Variants in CATSPERB observed in about 807,000 individuals in gnomAD.
CATSPERB encodes the protein cation channel sperm-associated auxiliary subunit beta.
CATSPERB carries 93 observed loss-of-function variants against 128.3 expected under a neutral mutation model. The observed-to-expected ratio is 0.72, with a 90% CI of 0.61 to 0.86. CATSPERB has a LOEUF of 0.86. Among genes scored for constraint, CATSPERB ranks in the 40% least tolerant of loss-of-function variants. The probability of loss-of-function intolerance (pLI) is 0.00; values close to 1 mark genes in which losing one functional copy is unlikely to be tolerated. For synonymous variants in CATSPERB, 381 were observed against 448.8 expected, an observed-to-expected ratio of 0.85 and a Z score of 1.91; for missense variants, 1,153 against 1,329.5, an observed-to-expected ratio of 0.87 and a Z score of 2.06.
rs529997120 is a variant in CATSPERB, at chr14:91,582,431, C to T, written c.3133-1324G>A. 3.6e-4 allele frequency among the ~76,000 whole-genome samples: 55 copies of T among 152,296 alleles called. No individual in the cohort carries two copies. In the South Asian group the frequency reaches 0.011, roughly 30 times the overall value. ...TTATGCTTTTGATTGTGACAGGAGGCAGTCAAATGCCTAGGCAGATAGGGG... is the reference window on the plus strand; with the variant it reads ...TTATGCTTTTGATTGTGACAGGAGGTAGTCAAATGCCTAGGCAGATAGGGG... On this transcript the variant is annotated intron_variant, in intron 26 of 26. Coordinates refer to ENST00000256343, the MANE Select transcript of CATSPERB (RefSeq NM_024764.4).
chr14:91,674,265 G>A, intron 11 of CATSPERB, 43 bp from the exon 12 acceptor site: 2 of 1,256,048 alleles, frequency 1.6e-6, no homozygotes, highest in Non-Finnish European at 1.1e-6. Context: ...GAGCATATCT[G>A]TATTTCTAAA....
intron 11 of CATSPERB, among the ~76,000 whole-genome samples, chr14:91,676,270 C>G (rs1446408036): frequency 6.6e-6 from 1 of 151,996 alleles, no homozygotes; most frequent in Non-Finnish European, 1.5e-5. Flanking sequence ...GAGGATTCAC[C>G]CAACTCCTGG....
intron 15 of CATSPERB, among the ~76,000 whole-genome samples, chr14:91,640,011 T>G (rs1480946904): frequency 6.6e-6 from 1 of 152,096 alleles, no homozygotes; most frequent in Non-Finnish European, 1.5e-5. Flanking sequence ...GATGGATAAT[T>G]CCCAAATTTA....
chr14:91,668,179 G>T (rs142951875), intron 14 of CATSPERB, among the ~76,000 whole-genome samples: 10 of 152,334 alleles, frequency 6.6e-5, no homozygotes, highest in African/African-American at 2.4e-4. Context: ...GGGAGATTGA[G>T]AGGTGAAGCC....
intron 14 of CATSPERB, among the ~76,000 whole-genome samples, chr14:91,665,282 A>G (rs751223914): frequency 1.3e-5 from 2 of 152,166 alleles, no homozygotes; most frequent in Non-Finnish European, 2.9e-5. Context: ...TCCTTACATC[A>G]CTGTTAGTTT....
intron 17 of CATSPERB, among the ~76,000 whole-genome samples, chr14:91,625,410 G>A (rs2139791496): frequency 6.6e-6 from 1 of 152,176 alleles, no homozygotes; most frequent in South Asian, 2.1e-4. Context: ...GAAACAGAGG[G>A]GTGGGGGAGA....
chr14:91,614,076 T>G (rs1369164776), intron 20 of CATSPERB, among the ~76,000 whole-genome samples: 1 of 152,144 alleles, frequency 6.6e-6, no homozygotes, highest in African/African-American at 2.4e-5. Context: ...TTGCCGCACG[T>G]CTCTTGGCTG....
intron 4 of CATSPERB, among the ~76,000 whole-genome samples, chr14:91,722,049 A>G (rs1015730519): frequency 8.5e-5 from 13 of 152,084 alleles, no homozygotes; most frequent in African/African-American, 3.1e-4. Flanking sequence ...ACAAAAAAGA[A>G]AGAAAGAAAA....
At chr14:91,663,984 A>G (rs923518196) in intron 14 of CATSPERB, among the ~76,000 whole-genome samples, 2 of 152,174 alleles carry the variant, frequency 1.3e-5, no homozygotes, top group Admixed American at 6.5e-5. Context: ...ATTAGGGACC[A>G]TTCTTAGTCT....
At chr14:91,596,085 A>C (rs776535997) in intron 22 of CATSPERB, among the ~76,000 whole-genome samples, 4 of 152,116 alleles carry the variant, frequency 2.6e-5, no homozygotes, top group African/African-American at 4.8e-5. Context: ...ATAGTCATGA[A>C]CATTTCAGCT....
At position 91,669,700 on chromosome 14, in the gene CATSPERB, C is replaced by T. The variant is rs552356347; in HGVS notation, c.1287+114G>A. 9.1e-6 allele frequency: 9 copies of T among 994,384 alleles called. No homozygotes were observed. In the East Asian group the frequency reaches 2.2e-4, roughly 25 times the overall value. The allele number at this position is 994,384 out of a possible 1,614,324, so 61.6% of individuals were successfully genotyped here. A position where few individuals can be genotyped will look rare whatever the true frequency, so the allele number is the denominator to read the frequency against. ...ATAGTCAATAAATATTGTCTTCCCT[C>T]CCACTGCCATCTCTAGGTCATCAGA... On this transcript the variant is annotated intron_variant, in intron 14 of 26. Coordinates refer to ENST00000256343, the MANE Select transcript of CATSPERB (RefSeq NM_024764.4).
At chr14:91,629,645 T>A (rs1001650870) in intron 17 of CATSPERB, among the ~76,000 whole-genome samples, 1 of 152,194 alleles carries the variant, frequency 6.6e-6, no homozygotes, top group African/African-American at 2.4e-5. Context: ...GGAACTCTAT[T>A]TTCTGCTCAA....
rs1185893568 is a variant in CATSPERB, at chr14:91,628,265, T to C, written c.1743-3258A>G. ...GCACCTACAGGCACACACCACTGCA[T>C]GGTTCTGGGTTGGCATAATCTGATC... On this transcript the variant is annotated intron_variant, in intron 17 of 26. Coordinates refer to ENST00000256343, the MANE Select transcript of CATSPERB (RefSeq NM_024764.4). Among the ~76,000 whole-genome samples, 4 of 152,154 alleles carry C rather than the reference T, an allele frequency of 2.6e-5. No homozygotes were observed. In the East Asian group the frequency reaches 7.7e-4, roughly 29 times the overall value.
chr14:91,676,405 A>G (rs1394030469), intron 11 of CATSPERB, among the ~76,000 whole-genome samples: 1 of 152,196 alleles, frequency 6.6e-6, no homozygotes, highest in Non-Finnish European at 1.5e-5. Flanking sequence ...GTCACATATT[A>G]TGGTCCATTT....
At chr14:91,666,738 G>A (rs1223901060) in intron 14 of CATSPERB, among the ~76,000 whole-genome samples, 1 of 152,168 alleles carries the variant, frequency 6.6e-6, no homozygotes, top group Non-Finnish European at 1.5e-5. Flanking sequence ...GGAAGTTTAT[G>A]GCTATCAGAC....
intron 4 of CATSPERB, among the ~76,000 whole-genome samples, chr14:91,721,494 A>C (rs898935052): frequency 6.6e-6 from 1 of 152,222 alleles, no homozygotes; most frequent in Non-Finnish European, 1.5e-5. Context: ...GTCATTTGGG[A>C]AATTAAAATC....
At chr14:91,721,906 G>A (rs1450824050) in intron 4 of CATSPERB, among the ~76,000 whole-genome samples, 2 of 151,684 alleles carry the variant, frequency 1.3e-5, no homozygotes, top group Admixed American at 6.6e-5. Flanking sequence ...GTGGAGAGAC[G>A]GGAACCCTAA....
At chr14:91,722,268 C>T (rs1279253646) in intron 4 of CATSPERB, among the ~76,000 whole-genome samples, 1 of 151,896 alleles carries the variant, frequency 6.6e-6, no homozygotes, top group Non-Finnish European at 1.5e-5. Context: ...TTCAGAAGAG[C>T]CAAAAAGTGG....
chr14:91,591,605 C>A (rs61991983), intron 23 of CATSPERB, among the ~76,000 whole-genome samples: 2 of 151,308 alleles, frequency 1.3e-5, no homozygotes, highest in Non-Finnish European at 1.5e-5. Flanking sequence ...AAGTTGCTTT[C>A]GTATACACAG....
Sources: gnomAD v4.1 joint callset for allele counts (sites outside exome capture counted in the v4.1 genomes callset) on GRCh38, gnomAD v4.1.1 for gene constraint, MANE v1.5 for transcripts, NCBI Gene and HGNC (gene_info 2026-07-23, HGNC 2026-07-21) for gene names.